The following TBRG1 variants were observed in gnomAD, a reference collection of about 807,000 sequenced individuals.
TBRG1 encodes transforming growth factor beta regulator 1, also known as nuclear interactor of ARF and MDM2.
Under a neutral mutation model 44.0 loss-of-function variants are expected in TBRG1, and 31 were observed. The ratio of observed to expected loss-of-function variants is 0.70; its 90% CI spans 0.53 to 0.95. TBRG1 has a LOEUF of 0.95. Ranked by LOEUF, TBRG1 falls within the 40% of genes least tolerant of loss-of-function variation. The pLI, the probability that TBRG1 is intolerant of heterozygous loss-of-function variation, is 0.00. For missense variants in TBRG1, 487 were observed against 496.1 expected (o/e 0.98, Z 0.18); for synonymous variants, 171 against 188.1 (o/e 0.91, Z 0.74).
chr11:124,622,951 C>T lies in TBRG1; in HGVS notation c.-133C>T, dbSNP rs1327029528. 1.9e-6 allele frequency: 2 copies of T among 1,035,102 alleles called. No individual in the cohort carries two copies. The highest frequency in any genetic ancestry group is 2.7e-6 in the Non-Finnish European group (2 of 735,114). 64.1% of individuals were successfully genotyped at this position (1,035,102 alleles called of 1,614,324 possible). A position where few individuals can be genotyped will look rare whatever the true frequency, so the allele number is the denominator to read the frequency against. The stretch of plus-strand genomic sequence containing the variant: ...CTGGCCCTGCGGTCAGCCCTGGGAA[C>T]GTCCCGGAGAGCTAGATTCCTAGAG... On this transcript the variant is annotated 5_prime_UTR_variant, in exon 1 of 9. In the 5' UTR this introduces an upstream ATG that the reference lacks. Transcript: ENST00000441174.
At chr11:124,630,570 A>G in intron 6 of TBRG1, 85 bp downstream of exon 6, 2 of 1,141,674 alleles carry the variant, frequency 1.8e-6, no homozygotes, top group South Asian at 2.5e-5. Context: ...ATGGGTGGAG[A>G]TACTTTATTT....
chr11:124,626,626 A>T lies in TBRG1; in HGVS notation c.591+17A>T, dbSNP rs1460647176. On this transcript the variant is annotated intron_variant, in intron 4 of 8. Coordinates refer to ENST00000441174, the MANE Select transcript of TBRG1 (RefSeq NM_032811.3). The stretch of plus-strand genomic sequence containing the variant: ...CTGGGGGAGGTGAGTGAGACCAGCG[A>T]TATATAGAGAGGAGAATCAGGGAAA... The T allele has an allele frequency of 6.4e-7, 1 of 1,551,298 alleles. No homozygotes were observed.
intron 5 of TBRG1, among the ~76,000 whole-genome samples, chr11:124,628,605 A>C (rs892069370): frequency 1.3e-5 from 2 of 151,948 alleles, no homozygotes; most frequent in Admixed American, 6.5e-5. Flanking sequence ...TAAGTGGGGA[A>C]ATGCAAATAA....
rs529083 is a variant in TBRG1 at position 124,622,895 on chromosome 11, G to T, written c.-189G>T. 24,277 of 598,050 alleles carry T rather than the reference G, an allele frequency of 0.041. 1,681 individuals carry two copies. The highest frequency in any genetic ancestry group is 0.23 in the African/African-American group (12,050 of 52,968). 37.0% of individuals were successfully genotyped at this position (598,050 alleles called of 1,614,324 possible). A position where few individuals can be genotyped will look rare whatever the true frequency, so the allele number is the denominator to read the frequency against. ...AAGACAGACACGGAAGTGCTGGGAG[G>T]CGCCGGGAGCCCGTTCGGTTGCGGG... On this transcript the variant is annotated 5_prime_UTR_variant, in exon 1 of 9. Coordinates refer to ENST00000441174, the MANE Select transcript of TBRG1 (RefSeq NM_032811.3).
intron 5 of TBRG1, among the ~76,000 whole-genome samples, chr11:124,628,342 A>G (rs1194040173): frequency 6.6e-6 from 1 of 151,104 alleles, no homozygotes; most frequent in Non-Finnish European, 1.5e-5. Context: ...TTAGCAAGAC[A>G]TGAAACTTAG....
Position 124,631,324 on chromosome 11 carries a change from C to T in TBRG1, c.997C>T (p.Pro333Ser). The T allele has an allele frequency of 1.2e-6, 2 of 1,612,632 alleles. No individual in the cohort carries two copies. Among genetic ancestry groups the T allele is most frequent in the Non-Finnish European group, 1.7e-6 (2 of 1,179,248 alleles). ...DVCKPGDGQL[P>S]EGLPENDAAM... ...GTGCAAACCTGGAGATGGGCAGCTA[C>T]CTGAGGGGCTGCCGGAGAATGATGC... Residue 333 changes from proline to serine, a missense_variant, in exon 8 of 9, where the codon CCT becomes TCT. Coordinates refer to ENST00000441174, the MANE Select transcript of TBRG1 (RefSeq NM_032811.3).
In TBRG1 at chr11:124,622,965, AGATTCCTAGAGGCCC is replaced by A; in HGVS notation, c.-112_-98del. ...AGCCCTGGGAACGTCCCGGAGAGCT[AGATTCCTAGAGGCCC>A]GATTCCGCTAGCCCGGAACAGACAA... is the stretch of plus-strand genomic sequence containing the variant. On this transcript the variant is annotated 5_prime_UTR_variant, in exon 1 of 9. Transcript: ENST00000441174. The A allele has an allele frequency of 8.7e-7, 1 of 1,143,044 alleles. No individual in the cohort carries two copies. Among genetic ancestry groups the A allele is most frequent in the Non-Finnish European group, 1.2e-6 (1 of 832,252 alleles). The allele number at this position is 1,143,044 out of a possible 1,614,324, so 70.8% of individuals were successfully genotyped here.
At chr11:124,624,062 A>G (rs1374273299) in intron 1 of TBRG1, among the ~76,000 whole-genome samples, 2 of 152,244 alleles carry the variant, frequency 1.3e-5, no homozygotes, top group Non-Finnish European at 2.9e-5. Context: ...CTTATTCAGC[A>G]CTTGCTATGT....
In TBRG1 at chr11:124,635,840, A is replaced by G. The variant is rs1043207480; in HGVS notation, c.*3602A>G. Reference sequence around the variant, plus strand: ...TTATTTCCAACTTCTTATAGGTAACATAATTTTCAGACAATGTTAGCTGTT... The same window carrying G: ...TTATTTCCAACTTCTTATAGGTAACGTAATTTTCAGACAATGTTAGCTGTT... On this transcript the variant is annotated 3_prime_UTR_variant, in exon 9 of 9. Coordinates refer to ENST00000441174, the MANE Select transcript of TBRG1 (RefSeq NM_032811.3). The G allele has an allele frequency of 2.6e-5, 4 of 152,206 alleles. No individual in the cohort carries two copies. Among genetic ancestry groups the G allele is most frequent in the Non-Finnish European group, 5.9e-5 (4 of 68,032 alleles). The allele number at this position is 152,206 out of a possible 1,614,324, so 9.4% of individuals were successfully genotyped here.
At position 124,635,491 on chromosome 11, in the gene TBRG1, T is replaced by A. The variant is rs1394915554; in HGVS notation, c.*3253T>A. 1 of 152,212 alleles carries A rather than the reference T, an allele frequency of 6.6e-6. No individual in the cohort carries two copies. The highest frequency in any genetic ancestry group is 1.5e-5 in the Non-Finnish European group (1 of 68,042). The allele number at this position is 152,212 out of a possible 1,614,324, so 9.4% of individuals were successfully genotyped here. A position where few individuals can be genotyped will look rare whatever the true frequency, so the allele number is the denominator to read the frequency against. On this transcript the variant is annotated 3_prime_UTR_variant, in exon 9 of 9. Transcript: ENST00000441174. ...CCATCATTCACCCTACAGAGTATTA[T>A]AAATTTCATTTTCACACAGTAAAAA...
chr11:124,633,827 A>C lies in TBRG1; in HGVS notation c.*1589A>C, dbSNP rs1426800138. ...AGAAATGATATATGCTGCTTTTATC[A>C]TATAACAAATATTTTCCCACTATTA... On this transcript the variant is annotated 3_prime_UTR_variant, in exon 9 of 9. Transcript: ENST00000441174. 1 of 152,238 alleles carries C rather than the reference A, an allele frequency of 6.6e-6. No homozygotes were observed. The highest frequency in any genetic ancestry group is 2.4e-5 in the African/African-American group (1 of 41,466). 9.4% of individuals were successfully genotyped at this position (152,238 alleles called of 1,614,324 possible). A position where few individuals can be genotyped will look rare whatever the true frequency, so the allele number is the denominator to read the frequency against.
chr11:124,631,340 A>G lies in TBRG1; in HGVS notation c.1013A>G (p.Glu338Gly), dbSNP rs201759246. 6.2e-7 allele frequency: 1 copy of G among 1,613,620 alleles called. No individual in the cohort carries two copies. The highest frequency in any genetic ancestry group is 8.5e-7 in the Non-Finnish European group (1 of 1,179,690). The change falls in exon 8 of 9, where the codon GAG becomes GGG. Residue 338 changes from glutamate (E) to glycine (G), a missense_variant. Glu to Gly is a moderately conservative substitution (Grantham distance 98). Transcript: ENST00000441174. ...GGGCAGCTACCTGAGGGGCTGCCGGAGAATGATGCAGCTATGAGCTTTGAA... is the reference window on the plus strand; with the variant it reads ...GGGCAGCTACCTGAGGGGCTGCCGGGGAATGATGCAGCTATGAGCTTTGAA... Reference protein sequence around the residue: ...GDGQLPEGLPENDAAMSFEAF... With the variant: ...GDGQLPEGLPGNDAAMSFEAF...
intron 8 of TBRG1, chr11:124,631,839 G>A: frequency 4.3e-6 from 2 of 462,230 alleles, no homozygotes; most frequent in African/African-American, 2.0e-5. Flanking sequence ...GTCATATAGG[G>A]AAAACTCTGG....
intron 1 of TBRG1, among the ~76,000 whole-genome samples, chr11:124,624,248 A>T (rs745869034): frequency 2.0e-5 from 3 of 152,024 alleles, no homozygotes; most frequent in Non-Finnish European, 2.9e-5. Context: ...GATTTTGTGA[A>T]GAAAAAGCGA....
chr11:124,624,851 A>C (rs1942424654), intron 1 of TBRG1, 80 bp from the exon 2 acceptor site: 1 of 1,008,602 alleles, frequency 9.9e-7, no homozygotes, highest in Non-Finnish European at 1.5e-6. Flanking sequence ...TTTTGGTTTG[A>C]AATATGGATC....
At chr11:124,630,692 C>T in intron 6 of TBRG1, 53 bp from the exon 7 acceptor site, 1 of 1,309,714 alleles carries the variant, frequency 7.6e-7, no homozygotes, top group Non-Finnish European at 1.1e-6. Flanking sequence ...TTCTTAAATC[C>T]ATCTTCATCT....
chr11:124,631,030 T>C, intron 7 of TBRG1, 175 bp downstream of exon 7: 2 of 635,158 alleles, frequency 3.1e-6, no homozygotes, highest in Non-Finnish European at 5.4e-6. Context: ...GAGCCAGGAC[T>C]CCACTGTTCG....
chr11:124,631,161 T>A, intron 7 of TBRG1, 114 bp from the exon 8 acceptor site: 1 of 1,047,382 alleles, frequency 9.5e-7, no homozygotes. Flanking sequence ...AAATATGTGT[T>A]TTAGATATAT....
In TBRG1 at chr11:124,624,937, G is replaced by A; in HGVS notation, c.157G>A (p.Ala53Thr). 1 of 1,538,044 alleles carries A rather than the reference G, an allele frequency of 6.5e-7. No homozygotes were observed. Among genetic ancestry groups the A allele is most frequent in the Non-Finnish European group, 8.8e-7 (1 of 1,136,244 alleles). ...KAAKATVFEN[A>T]AICDEIARLE... ...TTCACATTTTTACTTAAAGGAAAAT[G>A]CTGCTATTTGTGATGAAATTGCTCG... Residue 53 changes from alanine to threonine, a missense_variant, in exon 2 of 9, where the codon GCT becomes ACT. By Grantham distance (58) the Ala-to-Thr change is moderately conservative. Coordinates refer to ENST00000441174, the MANE Select transcript of TBRG1 (RefSeq NM_032811.3).
Sources: gnomAD v4.1 joint callset for allele counts (sites outside exome capture counted in the v4.1 genomes callset) on GRCh38, gnomAD v4.1.1 for gene constraint, MANE v1.5 for transcripts, NCBI Gene and HGNC (gene_info 2026-07-23, HGNC 2026-07-21) for gene names.